Variants in PIGK observed in about 807,000 individuals in gnomAD.
The protein encoded by PIGK is phosphatidylinositol glycan anchor biosynthesis class K.
In PIGK, 42 loss-of-function variants were observed where a neutral mutation model predicts 50.6. The observed-to-expected ratio is 0.83, with a 90% CI of 0.65 to 1.07. The LOEUF (loss-of-function observed/expected upper bound fraction) is 1.07. Among genes scored for constraint, PIGK ranks in the 50% least tolerant of loss-of-function variants. The probability of loss-of-function intolerance (pLI) is 0.00; values close to 1 mark genes in which losing one functional copy is unlikely to be tolerated. For missense variants in PIGK, 448 were observed against 488.7 expected, an observed-to-expected ratio of 0.92 and a Z score of 0.78; for synonymous variants, 151 against 156.0, an observed-to-expected ratio of 0.97 and a Z score of 0.24.
rs940013860 is a variant in PIGK at position 77,154,571 on chromosome 1, A to G, written c.864T>C (p.Thr288=). 6.2e-7 allele frequency: 1 copy of G among 1,612,980 alleles called. No individual in the cohort carries two copies. The highest frequency in any genetic ancestry group is 8.5e-7 in the Non-Finnish European group (1 of 1,179,126). ...SLCVSTPGHR[T]DLFQRDPKNV... ...TTTTAGGATCCCTCTGAAAAAGATC[A>G]GTGCGATGTCCAGGAGTAGACACAC... The change falls in exon 9 of 11, where the codon ACT becomes ACC. Residue 288 remains threonine (T), a synonymous_variant. Coordinates refer to ENST00000370812, the MANE Select transcript of PIGK (RefSeq NM_005482.3).
chr1:77,208,120 G>A lies in PIGK; in HGVS notation c.148-1389C>T, dbSNP rs369599515. On this transcript the variant is annotated intron_variant, in intron 2 of 10. Transcript: ENST00000370812. ...TTGTGGTTGTAGTTCTAGCTACTTG[G>A]GAAGCTGACGTGGGAGGATCACTTG... Among the ~76,000 whole-genome samples, 10 of 152,174 alleles carry A rather than the reference G, an allele frequency of 6.6e-5. No homozygotes were observed. In the South Asian group the frequency reaches 2.1e-3, roughly 32 times the overall value.
At chr1:77,118,957 G>A (rs547496659) in intron 10 of PIGK, among the ~76,000 whole-genome samples, 245 of 152,200 alleles carry the variant, frequency 1.6e-3, no homozygotes, top group Admixed American at 3.1e-3. Flanking sequence ...AAGTTATTAC[G>A]CATATAAATA....
At chr1:77,163,981 T>C (rs1435141975) in intron 5 of PIGK, 39 bp from the exon 6 acceptor site, 1 of 1,101,822 alleles carries the variant, frequency 9.1e-7, no homozygotes, top group Non-Finnish European at 1.4e-6. Flanking sequence ...GATTTTTTAA[T>C]GCAAACTGCA....
At chr1:77,129,088 T>C (rs540116285) in intron 9 of PIGK, 22 of 866,518 alleles carry the variant, frequency 2.5e-5, no homozygotes, top group East Asian at 7.2e-5. Context: ...GCTCTTTCCC[T>C]AAGCAGCCTG....
Position 77,123,693 on chromosome 1 carries a change from A to C in PIGK, c.987-1334T>G, listed in dbSNP as rs1654157392. ...GAGGTTCCGTTCGCAAGATGAAAAA[A>C]GTTCTGGAGATGGATGGGGGGATGA... On this transcript the variant is annotated intron_variant, in intron 9 of 10. Coordinates refer to ENST00000370812, the MANE Select transcript of PIGK (RefSeq NM_005482.3). 2.0e-5 allele frequency among the ~76,000 whole-genome samples: 3 copies of C among 152,178 alleles called. 1 individual carries two copies. Among genetic ancestry groups the C allele is most frequent in the Admixed American group, 6.5e-5 (1 of 15,276 alleles).
At chr1:77,147,055 A>C (rs1654785374) in intron 9 of PIGK, among the ~76,000 whole-genome samples, 1 of 152,004 alleles carries the variant, frequency 6.6e-6, no homozygotes, top group African/African-American at 2.4e-5. Context: ...ACTGGGAAGA[A>C]AAATAGGTTT....
At chr1:77,214,233 G>A (rs1656495849) in intron 1 of PIGK, among the ~76,000 whole-genome samples, 1 of 151,998 alleles carries the variant, frequency 6.6e-6, no homozygotes, top group African/African-American at 2.4e-5. Context: ...ACAAAAAAAA[G>A]GAAACTACAG....
intron 10 of PIGK, among the ~76,000 whole-genome samples, chr1:77,107,488 T>C (rs148671730): frequency 1.8e-3 from 279 of 152,344 alleles, no homozygotes; most frequent in African/African-American, 6.3e-3. Flanking sequence ...TTACATTTGC[T>C]GAGGAGTGCT....
At chr1:77,122,717 C>A (rs1023870733) in intron 9 of PIGK, among the ~76,000 whole-genome samples, 1 of 152,132 alleles carries the variant, frequency 6.6e-6, no homozygotes, top group Non-Finnish European at 1.5e-5. Flanking sequence ...GCCTCATCTC[C>A]AGCAACCCTT....
At chr1:77,134,441 A>G (rs1654452921) in intron 9 of PIGK, among the ~76,000 whole-genome samples, 1 of 152,208 alleles carries the variant, frequency 6.6e-6, no homozygotes, top group Non-Finnish European at 1.5e-5. Flanking sequence ...ATTGAGGCAA[A>G]TATCTTGAAA....
chr1:77,182,549 C>T (rs964884834), intron 3 of PIGK, among the ~76,000 whole-genome samples: 2 of 142,328 alleles, frequency 1.4e-5, no homozygotes, highest in African/African-American at 5.2e-5. Context: ...CACACACACA[C>T]ATATGTGAGT....
At chr1:77,131,458 T>A (rs952366214) in intron 9 of PIGK, among the ~76,000 whole-genome samples, 4 of 152,100 alleles carry the variant, frequency 2.6e-5, no homozygotes, top group African/African-American at 9.6e-5. Flanking sequence ...GATTATAGCA[T>A]GTATTCTTAT....
chr1:77,112,087 A>C (rs2100520225), intron 10 of PIGK, among the ~76,000 whole-genome samples: 1 of 152,214 alleles, frequency 6.6e-6, no homozygotes, highest in Middle Eastern at 3.4e-3. Flanking sequence ...CTGACATAAT[A>C]CACAAGTTAC....
chr1:77,147,739 AAT>A (rs1438904213), intron 9 of PIGK, among the ~76,000 whole-genome samples: 1 of 152,232 alleles, frequency 6.6e-6, no homozygotes, highest in Non-Finnish European at 1.5e-5. Flanking sequence ...AGCTGTTTAA[AAT>A]CAAGTTACCT....
chr1:77,202,045 G>C lies in PIGK; in HGVS notation c.239+4595C>G, dbSNP rs556025865. ...TGTAACCCACCCAGGGCAATGGAGT[G>C]AGACAATCAAAAAAAAAAAAATACC... On this transcript the variant is annotated intron_variant, in intron 3 of 10. Transcript: ENST00000370812. Among the ~76,000 whole-genome samples, 115 of 149,834 alleles carry C rather than the reference G, an allele frequency of 7.7e-4. 1 individual carries two copies. Among genetic ancestry groups the C allele is most frequent in the South Asian group, 3.6e-3 (17 of 4,768 alleles).
chr1:77,112,040 TTATC>T (rs1217724882), intron 10 of PIGK, among the ~76,000 whole-genome samples: 4 of 151,968 alleles, frequency 2.6e-5, no homozygotes, highest in African/African-American at 9.7e-5. Flanking sequence ...AAATCTGTGT[TTATC>T]TAAGAATGAT....
chr1:77,133,339 T>C (rs1654422385), intron 9 of PIGK, among the ~76,000 whole-genome samples: 1 of 152,154 alleles, frequency 6.6e-6, no homozygotes, highest in Non-Finnish European at 1.5e-5. Flanking sequence ...GAATGTTCAT[T>C]ATTTTAGTTA....
At chr1:77,125,756 C>T (rs1430886643) in intron 9 of PIGK, among the ~76,000 whole-genome samples, 3 of 152,044 alleles carry the variant, frequency 2.0e-5, no homozygotes, top group African/African-American at 4.8e-5. Context: ...AAATTCAGAT[C>T]TCATTTTATT....
intron 8 of PIGK, among the ~76,000 whole-genome samples, chr1:77,160,047 T>C (rs1570232063): frequency 6.6e-6 from 1 of 152,314 alleles, no homozygotes; most frequent in East Asian, 1.9e-4. Context: ...AATTCCCACA[T>C]GTCATGGGAG....
Sources: allele counts gnomAD v4.1 joint callset (sites outside exome capture counted in the v4.1 genomes callset), GRCh38; gene constraint gnomAD v4.1.1; transcripts MANE v1.5; gene names NCBI Gene and HGNC (gene_info 2026-07-23, HGNC 2026-07-21).